Variants in IL1RAPL1 observed in about 807,000 individuals in gnomAD.
The protein encoded by IL1RAPL1 is interleukin 1 receptor accessory protein like 1, also known as interleukin-1 receptor accessory protein-like 1.
IL1RAPL1 carries 3 observed loss-of-function variants against 48.4 expected under a neutral mutation model. That is an observed-to-expected ratio of 0.06 (90% CI 0.03 to 0.16). IL1RAPL1 has a LOEUF of 0.16. Ranked by LOEUF, IL1RAPL1 falls within the 10% of genes least tolerant of loss-of-function variation. IL1RAPL1 has a pLI of 1.00. For missense variants in IL1RAPL1, 349 were observed against 530.6 expected (o/e 0.66, Z 3.36); for synonymous variants, 185 against 187.7 (o/e 0.99, Z 0.12).
intron 3 of IL1RAPL1, among the ~76,000 whole-genome samples, chrX:29,372,014 G>A (rs1393311883): frequency 8.9e-6 from 1 of 112,320 alleles, no homozygotes; most frequent in Admixed American, 9.4e-5. Flanking sequence ...GTTTTCCACA[G>A]CAGCTGAACT....
At chrX:28,622,519 A>G (rs893077637) in intron 1 of IL1RAPL1, among the ~76,000 whole-genome samples, 2 of 112,296 alleles carry the variant, frequency 1.8e-5, no homozygotes, top group Non-Finnish European at 3.8e-5. Context: ...CTATGTGATC[A>G]TAAAATTCAT....
intron 2 of IL1RAPL1, among the ~76,000 whole-genome samples, chrX:28,858,487 A>T (rs747505385): frequency 8.9e-6 from 1 of 112,280 alleles, no homozygotes; most frequent in Non-Finnish European, 1.9e-5. Flanking sequence ...CCACCACCAT[A>T]GTTAGTCAGC....
chrX:29,950,986 T>C (rs1411489431), intron 9 of IL1RAPL1, among the ~76,000 whole-genome samples: 2 of 111,478 alleles, frequency 1.8e-5, no homozygotes, highest in Non-Finnish European at 3.8e-5. Flanking sequence ...CCAACCCTAA[T>C]GTCTTTTCAT....
At chrX:28,600,288 G>A (rs1569135898) in intron 1 of IL1RAPL1, among the ~76,000 whole-genome samples, 1 of 111,870 alleles carries the variant, frequency 8.9e-6, no homozygotes, top group East Asian at 2.8e-4. Flanking sequence ...TTCAGAGAAT[G>A]TGATTTTCTC....
At chrX:29,839,645 T>A (rs1601847151) in intron 6 of IL1RAPL1, among the ~76,000 whole-genome samples, 2 of 112,678 alleles carry the variant, frequency 1.8e-5, no homozygotes, top group Admixed American at 1.9e-4. Flanking sequence ...CCTGTAATTC[T>A]AGCACTTTGG....
chrX:28,832,762 A>C, intron 2 of IL1RAPL1, among the ~76,000 whole-genome samples: 1 of 105,813 alleles, frequency 9.5e-6, no homozygotes, highest in East Asian at 2.9e-4. Context: ...AAACCTTAGT[A>C]GTTTATTTTT....
intron 2 of IL1RAPL1, among the ~76,000 whole-genome samples, chrX:29,150,941 A>G (rs1159505752): frequency 2.7e-5 from 3 of 109,392 alleles, no homozygotes; most frequent in African/African-American, 1.0e-4. Context: ...AAAAAAGAAA[A>G]AAAAAGAAAC....
chrX:29,398,199 A>G (rs1933943160), intron 4 of IL1RAPL1, among the ~76,000 whole-genome samples: 1 of 112,317 alleles, frequency 8.9e-6, no homozygotes, highest in South Asian at 3.7e-4. Flanking sequence ...ACCACAAGTC[A>G]TGCAACTAAT....
intron 5 of IL1RAPL1, among the ~76,000 whole-genome samples, chrX:29,476,373 A>G (rs1282765580): frequency 8.9e-6 from 1 of 112,083 alleles, no homozygotes; most frequent in Non-Finnish European, 1.9e-5. Flanking sequence ...CATCTTTTAT[A>G]AGATAACCCT....
At chrX:28,710,078 A>G (rs1935422404) in intron 1 of IL1RAPL1, among the ~76,000 whole-genome samples, 1 of 111,228 alleles carries the variant, frequency 9.0e-6, no homozygotes, top group South Asian at 3.7e-4. Context: ...AACAATATGT[A>G]TAATATGATT....
chrX:29,644,138 G>T (rs1925249815), intron 5 of IL1RAPL1, among the ~76,000 whole-genome samples: 1 of 112,179 alleles, frequency 8.9e-6, no homozygotes, highest in Admixed American at 9.5e-5. Context: ...AGAAGACAAA[G>T]AAGTCTATTA....
intron 6 of IL1RAPL1, among the ~76,000 whole-genome samples, chrX:29,808,585 T>A (rs1455206071): frequency 1.8e-5 from 2 of 111,793 alleles, no homozygotes; most frequent in Non-Finnish European, 3.8e-5. Context: ...TGGTACTTAT[T>A]AATTTTAATT....
chrX:29,908,375 AATATATAT>A (rs71761547), intron 6 of IL1RAPL1, among the ~76,000 whole-genome samples: 5 of 102,246 alleles, frequency 4.9e-5, no homozygotes, highest in East Asian at 6.0e-4. Context: ...CCATTTCAAA[AATATATAT>A]ATATATATAT....
intron 2 of IL1RAPL1, among the ~76,000 whole-genome samples, chrX:28,998,346 G>A (rs747763000): frequency 1.8e-5 from 2 of 111,076 alleles, no homozygotes; most frequent in South Asian, 7.5e-4. Context: ...TGCAAAGGAG[G>A]ATTATTTCTG....
In IL1RAPL1 at chrX:29,647,366, A is replaced by G. The variant is rs544615745; in HGVS notation, c.704-21064A>G. On this transcript the variant is annotated intron_variant, in intron 5 of 10. Transcript: ENST00000378993. ...CTGCCTCAAAAAAAAAAAAAAAAAAATACTCTAATACGGTAATGATGGCGT... is the reference window on the plus strand; with the variant it reads ...CTGCCTCAAAAAAAAAAAAAAAAAAGTACTCTAATACGGTAATGATGGCGT... Among the ~76,000 whole-genome samples the G allele has an allele frequency of 3.3e-4, 36 of 107,821 alleles. No homozygotes were observed. The South Asian group carries it at 0.014, about 41-fold the overall frequency. 93.6% of individuals were successfully genotyped at this position (107,821 alleles called of 115,157 possible).
intron 5 of IL1RAPL1, among the ~76,000 whole-genome samples, chrX:29,508,723 T>C (rs139604564): frequency 0.023 from 2,556 of 111,602 alleles, 69 homozygotes; most frequent in African/African-American, 0.08. Context: ...GGAATAAGTC[T>C]TTATGTGAGA....
intron 2 of IL1RAPL1, among the ~76,000 whole-genome samples, chrX:29,138,358 T>C (rs1429620652): frequency 8.9e-6 from 1 of 112,603 alleles, no homozygotes; most frequent in Non-Finnish European, 1.9e-5. Flanking sequence ...CTCCACTTGC[T>C]AATTTGCATT....
At chrX:29,507,295 C>CTCCT (rs1304927649) in intron 5 of IL1RAPL1, among the ~76,000 whole-genome samples, 4 of 78,585 alleles carry the variant, frequency 5.1e-5, no homozygotes, top group Non-Finnish European at 9.8e-5. Context: ...TTCTTTCTCT[C>CTCCT]TCCTTCCTTC....
At chrX:29,451,764 C>T (rs982382870) in intron 5 of IL1RAPL1, among the ~76,000 whole-genome samples, 4 of 111,602 alleles carry the variant, frequency 3.6e-5, no homozygotes, top group East Asian at 5.6e-4. Flanking sequence ...ACATTAAAAA[C>T]GGTTCTCATT....
Sources: gnomAD v4.1 joint callset for allele counts (sites outside exome capture counted in the v4.1 genomes callset) on GRCh38, gnomAD v4.1.1 for gene constraint, MANE v1.5 for transcripts, NCBI Gene and HGNC (gene_info 2026-07-23, HGNC 2026-07-21) for gene names.